INO80D: variants seen among roughly 807,000 people sequenced by gnomAD.
The protein encoded by INO80D is INO80 complex subunit D.
Under a neutral mutation model 87.6 loss-of-function variants are expected in INO80D, and 21 were observed. The ratio of observed to expected loss-of-function variants is 0.24; its 90% CI spans 0.17 to 0.35. The LOEUF (loss-of-function observed/expected upper bound fraction) is 0.35. Among genes scored for constraint, INO80D ranks in the 10% least tolerant of loss-of-function variants. The pLI is 1.00. For missense variants in INO80D, 982 were observed against 1,280.7 expected (o/e 0.77, Z 3.56); for synonymous variants, 440 against 491.0 (o/e 0.90, Z 1.37).
At chr2:206,015,147 T>A (rs531298550) in intron 8 of INO80D, among the ~76,000 whole-genome samples, 1 of 152,238 alleles carries the variant, frequency 6.6e-6, no homozygotes, top group African/African-American at 2.4e-5. Flanking sequence ...AAATATAGAA[T>A]AAAAGTTTGG....
intron 4 of INO80D, among the ~76,000 whole-genome samples, chr2:206,048,077 G>A (rs989561185): frequency 9.9e-5 from 15 of 151,528 alleles, no homozygotes; most frequent in African/African-American, 3.4e-4. Context: ...GGATGGTCTC[G>A]ATCTCCTGAC....
At chr2:206,065,398 G>C (rs1689788196) in intron 1 of INO80D, among the ~76,000 whole-genome samples, 1 of 152,044 alleles carries the variant, frequency 6.6e-6, no homozygotes, top group African/African-American at 2.4e-5. Flanking sequence ...TGAACCTGGG[G>C]GCAGAGGTTG....
At chr2:206,040,826 TC>T in intron 5 of INO80D, 1 of 178,744 alleles carries the variant, frequency 5.6e-6, no homozygotes. Flanking sequence ...AAGCAGTTCT[TC>T]CAGAAGCTAC....
chr2:206,079,898 TC>T (rs1411318549), intron 1 of INO80D, among the ~76,000 whole-genome samples: 2 of 152,126 alleles, frequency 1.3e-5, no homozygotes, highest in Non-Finnish European at 2.9e-5. Context: ...TACTCTTTTG[TC>T]CCTAAACTTT....
Position 206,085,703 on chromosome 2 carries a change from G to A in INO80D, c.-124+198C>T, listed in dbSNP as rs1690439449. ...CGTCGCCGCCCGCGGGCGCCCCGGA[G>A]GCCCTCAGGCCCCCGGCCTCCACCA... On this transcript the variant is annotated intron_variant, in intron 1 of 10. Transcript: ENST00000403263. This position sits in a 1 kb window ranked among gnomAD's most constrained non-coding sequence, Gnocchi z 4.5. 1 of 150,532 alleles carries A rather than the reference G, an allele frequency of 6.6e-6. No homozygotes were observed. Among genetic ancestry groups the A allele is most frequent in the Non-Finnish European group, 1.5e-5 (1 of 67,622 alleles). 9.3% of individuals were successfully genotyped at this position (150,532 alleles called of 1,614,324 possible).
Position 206,043,391 on chromosome 2 carries a change from C to T in INO80D, c.1073+3113G>A, listed in dbSNP as rs528133082. Among the ~76,000 whole-genome samples, 6 of 152,026 alleles carry T rather than the reference C, an allele frequency of 3.9e-5. No homozygotes were observed. In the South Asian group the frequency reaches 8.3e-4, roughly 21 times the overall value. ...TTCACCATGTTGGTAAGGCTGGTCT[C>T]GAACTCCTGACCTCATGATCCGCCC... On this transcript the variant is annotated intron_variant, in intron 5 of 10. Transcript: ENST00000403263.
Position 205,994,325 on chromosome 2 carries a change from C to T in INO80D, c.*10043G>A, listed in dbSNP as rs1687768555. ...ATGGCCTGTTAAACATACTTGGGTG[C>T]CAAGGTGAATGAGAACACTGAAAAA... is the stretch of plus-strand genomic sequence containing the variant. On this transcript the variant is annotated 3_prime_UTR_variant, in exon 11 of 11. Transcript: ENST00000403263. 6.6e-6 allele frequency: 1 copy of T among 152,040 alleles called. No homozygotes were observed. The highest frequency in any genetic ancestry group is 6.6e-5 in the Admixed American group (1 of 15,258). 9.4% of individuals were successfully genotyped at this position (152,040 alleles called of 1,614,324 possible).
intron 1 of INO80D, 123 bp from the exon 2 acceptor site, chr2:206,063,367 C>G (rs1689735735): frequency 2.5e-6 from 1 of 400,102 alleles, no homozygotes; most frequent in Non-Finnish European, 4.4e-6. Context: ...AAATCAACAT[C>G]CCAATAACGA....
rs1190842309 is a variant in INO80D at position 206,062,313 on chromosome 2, T to A, written c.218+486A>T. Among the ~76,000 whole-genome samples the A allele has an allele frequency of 4.6e-5, 7 of 152,310 alleles. No individual in the cohort carries two copies. Among genetic ancestry groups the A allele is most frequent in the Non-Finnish European group, 1.5e-5 (1 of 68,024 alleles). On this transcript the variant is annotated intron_variant, in intron 3 of 10. Transcript: ENST00000403263. This position sits in a 1 kb window ranked among gnomAD's most constrained non-coding sequence, Gnocchi z 4.6. Reference sequence around the variant, plus strand: ...TAAAATTTTCTTCAGTAAGTATATATCCTTTACTAACTTCTAGGCATAGAT... The same window carrying A: ...TAAAATTTTCTTCAGTAAGTATATAACCTTTACTAACTTCTAGGCATAGAT...
intron 4 of INO80D, among the ~76,000 whole-genome samples, chr2:206,052,656 G>A (rs190191938): frequency 6.6e-6 from 1 of 152,132 alleles, no homozygotes; most frequent in East Asian, 1.9e-4. Flanking sequence ...GCCAGTTGTG[G>A]TAGTGTGTGC....
intron 5 of INO80D, among the ~76,000 whole-genome samples, chr2:206,033,723 G>C (rs1014643067): frequency 5.9e-5 from 9 of 151,578 alleles, no homozygotes; most frequent in African/African-American, 1.9e-4. Context: ...GCAGAAGAAA[G>C]GAAATAACCA....
At chr2:206,060,106 G>A (rs1170146834) in intron 3 of INO80D, among the ~76,000 whole-genome samples, 1 of 152,112 alleles carries the variant, frequency 6.6e-6, no homozygotes, top group Non-Finnish European at 1.5e-5. Context: ...TCGGGAGACT[G>A]AGGCAAGAGG....
At position 205,993,851 on chromosome 2, in the gene INO80D, A is replaced by C. The variant is rs375599771; in HGVS notation, c.*10517T>G. On this transcript the variant is annotated 3_prime_UTR_variant, in exon 11 of 11. Coordinates refer to ENST00000403263, the MANE Select transcript of INO80D (RefSeq NM_017759.5). ...CAGTTTTTACACAAGAAAAATATAC[A>C]TAAAAATGTAAACTTTTGTATACAA... is the stretch of plus-strand genomic sequence containing the variant. 3.9e-5 allele frequency: 6 copies of C among 152,350 alleles called. 1 individual carries two copies. In the South Asian group the frequency reaches 1.0e-3, roughly 26 times the overall value. The allele number at this position is 152,350 out of a possible 1,614,324, so 9.4% of individuals were successfully genotyped here.
rs1359335532 is a variant in INO80D, at chr2:206,062,243, G to A, written c.218+556C>T. On this transcript the variant is annotated intron_variant, in intron 3 of 10. Coordinates refer to ENST00000403263, the MANE Select transcript of INO80D (RefSeq NM_017759.5). The surrounding 1 kb of genome is among the most constrained non-coding windows in gnomAD (Gnocchi z 4.6). ...GTTATAAAACATGCCAAACACTGGTGAGAAGTCTGATAGGAAATAAATCTA... is the reference window on the plus strand; with the variant it reads ...GTTATAAAACATGCCAAACACTGGTAAGAAGTCTGATAGGAAATAAATCTA... 6.6e-6 allele frequency among the ~76,000 whole-genome samples: 1 copy of A among 152,166 alleles called. No homozygotes were observed. Among genetic ancestry groups the A allele is most frequent in the Non-Finnish European group, 1.5e-5 (1 of 68,018 alleles).
chr2:206,033,250 T>C (rs1255514822), intron 5 of INO80D, among the ~76,000 whole-genome samples: 1 of 152,078 alleles, frequency 6.6e-6, no homozygotes, highest in African/African-American at 2.4e-5. Flanking sequence ...TATTATATAA[T>C]AGTAAAAGGC....
At chr2:206,032,710 A>C (rs1299035015) in intron 5 of INO80D, among the ~76,000 whole-genome samples, 1 of 152,204 alleles carries the variant, frequency 6.6e-6, no homozygotes, top group Non-Finnish European at 1.5e-5. Flanking sequence ...TTTTGTATCA[A>C]GCAAAACTAA....
intron 1 of INO80D, among the ~76,000 whole-genome samples, chr2:206,064,446 T>C (rs541273782): frequency 5.1e-4 from 78 of 152,266 alleles, no homozygotes; most frequent in African/African-American, 1.8e-3. Context: ...AGTCCAGAAA[T>C]ACTCTCTGTT....
At chr2:206,067,407 A>C (rs2105896417) in intron 1 of INO80D, among the ~76,000 whole-genome samples, 1 of 152,190 alleles carries the variant, frequency 6.6e-6, no homozygotes, top group South Asian at 2.1e-4. Context: ...GCACTGTAGG[A>C]TGGCTATAGT....
Position 206,002,488 on chromosome 2 carries a change from T to G in INO80D, c.*1880A>C, listed in dbSNP as rs563114513. ...CATGATTTTAAAAAAACTAAATATA[T>G]TACAAACATATTTTTGGCCCACAAA... On this transcript the variant is annotated 3_prime_UTR_variant, in exon 11 of 11. Transcript: ENST00000403263. The G allele has an allele frequency of 5.5e-4, 83 of 152,290 alleles. No homozygotes were observed. The highest frequency in any genetic ancestry group is 1.9e-3 in the African/African-American group (77 of 41,562). 9.4% of individuals were successfully genotyped at this position (152,290 alleles called of 1,614,324 possible).
Sources: gnomAD v4.1 joint callset for allele counts (sites outside exome capture counted in the v4.1 genomes callset) on GRCh38, gnomAD v4.1.1 for gene constraint, Gnocchi (gnomAD v3.1) non-coding constraint, MANE v1.5 for transcripts, NCBI Gene and HGNC (gene_info 2026-07-23, HGNC 2026-07-21) for gene names.